BCAP29: variants seen among roughly 807,000 people sequenced by gnomAD.
BCAP29 encodes B-cell receptor-associated protein 29.
Under a neutral mutation model 31.8 loss-of-function variants are expected in BCAP29, and 34 were observed. That is an observed-to-expected ratio of 1.07 (90% CI 0.81 to 1.42). The LOEUF (loss-of-function observed/expected upper bound fraction) is 1.42, where lower values mean the gene tolerates loss of function less well. Among genes scored for constraint, BCAP29 ranks in the 40% most tolerant of loss-of-function variants. The probability of loss-of-function intolerance (pLI) is 0.00; values close to 1 mark genes in which losing one functional copy is unlikely to be tolerated. For synonymous variants in BCAP29, 104 were observed against 91.3 expected, an observed-to-expected ratio of 1.14 and a Z score of -0.79; for missense variants, 314 against 269.2, an observed-to-expected ratio of 1.17 and a Z score of -1.16.
rs371275655 is a variant in BCAP29 at position 107,594,068 on chromosome 7, A to C, written c.307A>C (p.Asn103His). The change falls in exon 4 of 8, where the codon AAT (asparagine) becomes CAT (histidine). Residue 103 changes from asparagine to histidine, a missense_variant. Transcript: ENST00000005259. Reference sequence around the variant, plus strand: ...GATGAAACTTTTTAGGTCTCAAAGAAATCTTTACATTTCTGGATTTTCCCT... The same window carrying C: ...GATGAAACTTTTTAGGTCTCAAAGACATCTTTACATTTCTGGATTTTCCCT... ...TQMKLFRSQR[N>H]LYISGFSLFF... The C allele has an allele frequency of 2.5e-6, 4 of 1,613,090 alleles. No homozygotes were observed. The African/African-American group carries it at 5.3e-5, about 22-fold the overall frequency.
At chr7:107,598,678 A>G (rs1810293661) in intron 5 of BCAP29, among the ~76,000 whole-genome samples, 1 of 146,700 alleles carries the variant, frequency 6.8e-6, no homozygotes, top group African/African-American at 2.6e-5. Flanking sequence ...GGCTTACATT[A>G]GAAAATGAAT....
chr7:107,586,847 C>T (rs1296052561), intron 3 of BCAP29, among the ~76,000 whole-genome samples: 2 of 151,470 alleles, frequency 1.3e-5, no homozygotes, highest in African/African-American at 4.9e-5. Flanking sequence ...CCAGCTGCAG[C>T]CTCCCAAGTA....
intron 6 of BCAP29, among the ~76,000 whole-genome samples, chr7:107,610,794 C>G (rs1447141337): frequency 6.6e-6 from 1 of 152,154 alleles, no homozygotes; most frequent in Non-Finnish European, 1.5e-5. Flanking sequence ...AAAGGAACTA[C>G]TGGGTTGATA....
chr7:107,581,602 A>G (rs1462613754), intron 2 of BCAP29, among the ~76,000 whole-genome samples: 1 of 152,230 alleles, frequency 6.6e-6, no homozygotes, highest in Non-Finnish European at 1.5e-5. Context: ...TGTAATAAAA[A>G]TATTGCAAGA....
At chr7:107,582,453 A>T (rs1032765461) in intron 2 of BCAP29, among the ~76,000 whole-genome samples, 25 of 152,226 alleles carry the variant, frequency 1.6e-4, no homozygotes, top group Admixed American at 3.3e-4. Flanking sequence ...TAATCTTTAA[A>T]GAAAATATTT....
intron 4 of BCAP29, 157 bp from the exon 5 acceptor site, chr7:107,595,710 T>TA (rs1695962214): frequency 5.8e-6 from 4 of 690,412 alleles, no homozygotes; most frequent in Non-Finnish European, 8.8e-6. Context: ...CTGTTTTTAC[T>TA]AAGAGACTTG....
At chr7:107,617,385 C>T (rs1814377440) in intron 7 of BCAP29, among the ~76,000 whole-genome samples, 2 of 152,062 alleles carry the variant, frequency 1.3e-5, no homozygotes, top group Non-Finnish European at 2.9e-5. Context: ...CATCTGGTCC[C>T]CTCCCTGTTA....
At chr7:107,623,145 G>A (rs1193621435), downstream of BCAP29, 1 of 152,088 alleles carries the variant, frequency 6.6e-6, no homozygotes, top group Non-Finnish European at 1.5e-5. Flanking sequence ...GACGCCATAA[G>A]CACCACACCT....
chr7:107,588,618 C>T (rs759707587), intron 3 of BCAP29, among the ~76,000 whole-genome samples: 7 of 152,172 alleles, frequency 4.6e-5, no homozygotes, highest in Non-Finnish European at 7.3e-5. Flanking sequence ...GGGAATCATA[C>T]TGGGTGTGAT....
chr7:107,580,393 T>TGGCCCGACCCGGCCC, intron 1 of BCAP29, 92 bp downstream of exon 1: 1 of 215,070 alleles, frequency 4.6e-6, no homozygotes, highest in South Asian at 6.9e-5. Context: ...GGAGCTGGCC[T>TGGCCCGACCCGGCCC]GGCCCGACCC....
rs1810510605 is a variant in BCAP29, at chr7:107,599,200, C to CATAATTATAT, written c.481-1194_481-1193insATTATATATA. 5.6e-5 allele frequency among the ~76,000 whole-genome samples: 5 copies of CATAATTATAT among 89,928 alleles called. 1 individual carries two copies. The highest frequency in any genetic ancestry group is 2.5e-4 in the African/African-American group (5 of 19,996). The allele number at this position is 89,928 out of a possible 152,430, so 59.0% of individuals were successfully genotyped here. A position where few individuals can be genotyped will look rare whatever the true frequency, so the allele number is the denominator to read the frequency against. ...ATTAAAATTTATATGTATATAAATA[C>CATAATTATAT]ATATTTATAAATATATATATACATA... On this transcript the variant is annotated intron_variant, in intron 5 of 7. Transcript: ENST00000005259.
chr7:107,618,565 A>G lies in BCAP29; in HGVS notation c.*202A>G. On this transcript the variant is annotated 3_prime_UTR_variant, in exon 8 of 8. Transcript: ENST00000005259. ...TGCAAAGTCTGTATTCCAGCTCTTA[A>G]GAAAAATATAAGCATGTTAAATACC... 6.3e-7 allele frequency: 1 copy of G among 1,597,240 alleles called. No homozygotes were observed. The highest frequency in any genetic ancestry group is 8.6e-7 in the Non-Finnish European group (1 of 1,166,188).
intron 6 of BCAP29, among the ~76,000 whole-genome samples, chr7:107,604,684 TG>T (rs1341015952): frequency 1.8e-4 from 27 of 145,990 alleles, no homozygotes; most frequent in Admixed American, 8.0e-4. Context: ...TTGTTGTTGT[TG>T]TTTTTTTTTT....
At chr7:107,593,119 T>G (rs1809177757) in intron 3 of BCAP29, among the ~76,000 whole-genome samples, 1 of 152,198 alleles carries the variant, frequency 6.6e-6, no homozygotes, top group African/African-American at 2.4e-5. Context: ...GGCCCCAGTT[T>G]TCTAACTGGA....
chr7:107,594,192 T>C, intron 4 of BCAP29, 87 bp downstream of exon 4: 1 of 1,290,836 alleles, frequency 7.7e-7, no homozygotes, highest in African/African-American at 1.5e-5. Flanking sequence ...CTGTAGATTT[T>C]TTTTTTTTTT....
chr7:107,597,050 G>T (rs1809985085), intron 5 of BCAP29, among the ~76,000 whole-genome samples: 1 of 152,200 alleles, frequency 6.6e-6, no homozygotes, highest in Non-Finnish European at 1.5e-5. Context: ...ACAGTGGGGA[G>T]AAAGTCTTTG....
intron 5 of BCAP29, among the ~76,000 whole-genome samples, chr7:107,599,295 A>ATATATATAATTTTTATATATATAT (rs1563134201): frequency 0.037 from 851 of 22,920 alleles, 43 homozygotes; most frequent in African/African-American, 0.12. Context: ...TTATATATAA[A>ATATATATAATTTTTATATATATAT]TTATATATAA....
intron 5 of BCAP29, among the ~76,000 whole-genome samples, chr7:107,599,878 G>C (rs1477363366): frequency 6.6e-6 from 1 of 152,052 alleles, no homozygotes; most frequent in Non-Finnish European, 1.5e-5. Flanking sequence ...ACAGTAATTT[G>C]GAAACTATTC....
chr7:107,612,391 T>TTATATATATATATATA (rs36213596), intron 6 of BCAP29, among the ~76,000 whole-genome samples: 8 of 30,868 alleles, frequency 2.6e-4, no homozygotes, highest in Non-Finnish European at 3.0e-4. Context: ...ATGTATTGTT[T>TTATATATATATATATA]TATATATATA....
Sources: gnomAD v4.1 joint callset for allele counts (sites outside exome capture counted in the v4.1 genomes callset) on GRCh38, gnomAD v4.1.1 for gene constraint, MANE v1.5 for transcripts, NCBI Gene and HGNC (gene_info 2026-07-23, HGNC 2026-07-21) for gene names.